The following PLCZ1 variants were observed in gnomAD, a reference collection of about 807,000 sequenced individuals.
PLCZ1 encodes 1-phosphatidylinositol 4,5-bisphosphate phosphodiesterase zeta-1.
In PLCZ1, 64 loss-of-function variants were observed where a neutral mutation model predicts 76.8. The ratio of observed to expected loss-of-function variants is 0.83; its 90% CI spans 0.68 to 1.03. PLCZ1 has a LOEUF of 1.03. Among genes scored for constraint, PLCZ1 ranks in the 50% least tolerant of loss-of-function variants. PLCZ1 has a pLI of 0.00. For missense variants in PLCZ1, 751 were observed against 713.7 expected, an observed-to-expected ratio of 1.05 and a Z score of -0.60; for synonymous variants, 248 against 230.8, an observed-to-expected ratio of 1.07 and a Z score of -0.68.
chr12:18,731,533 C>CTTTT (rs34568267), intron 3 of PLCZ1, among the ~76,000 whole-genome samples: 96 of 94,310 alleles, frequency 1.0e-3, no homozygotes, highest in Middle Eastern at 9.6e-3. Context: ...AATAAGCTGT[C>CTTTT]TTTTTTTTTT....
intron 12 of PLCZ1, chr12:18,693,520 G>T: frequency 4.3e-6 from 7 of 1,611,722 alleles, no homozygotes; most frequent in Non-Finnish European, 5.9e-6. Flanking sequence ...CCACTTTCTT[G>T]AGAGTGGTTG....
At chr12:18,658,319 T>C in the PLCZ1 span, among the ~76,000 whole-genome samples, 1 of 152,200 alleles carries the variant, frequency 6.6e-6, no homozygotes, top group Non-Finnish European at 1.5e-5. Context: ...ATTCACTTGA[T>C]GAATTACATC....
At chr12:18,717,530 A>G (rs1327847385) in intron 5 of PLCZ1, among the ~76,000 whole-genome samples, 2 of 152,126 alleles carry the variant, frequency 1.3e-5, no homozygotes, top group African/African-American at 4.8e-5. Context: ...TTCCAGTCTG[A>G]TAACTTCTGA....
chr12:18,680,126 GAAGA>G (rs1374710096), downstream of PLCZ1, among the ~76,000 whole-genome samples: 2 of 152,106 alleles, frequency 1.3e-5, no homozygotes, highest in East Asian at 1.9e-4. Context: ...GCAGTACTGA[GAAGA>G]AAGGGATATT....
chr12:18,730,304 C>G (rs1046563615), intron 3 of PLCZ1, among the ~76,000 whole-genome samples: 2 of 152,122 alleles, frequency 1.3e-5, no homozygotes, highest in Non-Finnish European at 2.9e-5. Context: ...TAATCTTCAG[C>G]TATCCATAAA....
the PLCZ1 span, among the ~76,000 whole-genome samples, chr12:18,648,617 C>T: frequency 2.0e-5 from 3 of 152,064 alleles, no homozygotes; most frequent in Non-Finnish European, 4.4e-5. Flanking sequence ...CCCTCTTCAC[C>T]ACCAATCAAT....
chr12:18,712,579 A>G (rs1957468264), intron 6 of PLCZ1, among the ~76,000 whole-genome samples: 1 of 152,172 alleles, frequency 6.6e-6, no homozygotes, highest in Non-Finnish European at 1.5e-5. Flanking sequence ...AATAATAAAT[A>G]TATTTTACCT....
chr12:18,734,505 C>T (rs1267106908), intron 3 of PLCZ1, among the ~76,000 whole-genome samples: 2 of 152,120 alleles, frequency 1.3e-5, no homozygotes, highest in African/African-American at 4.8e-5. Flanking sequence ...CGTGCACTAC[C>T]ACGTCTGGCT....
At chr12:18,730,319 A>G (rs1344750932) in intron 3 of PLCZ1, among the ~76,000 whole-genome samples, 2 of 152,288 alleles carry the variant, frequency 1.3e-5, no homozygotes, top group Non-Finnish European at 2.9e-5. Flanking sequence ...CATAAAATAC[A>G]GTTAACCAAT....
chr12:18,705,351 A>C (rs1956466735), intron 6 of PLCZ1, 36 bp from the exon 7 acceptor site: 6 of 1,611,354 alleles, frequency 3.7e-6, no homozygotes, highest in Non-Finnish European at 5.1e-6. Flanking sequence ...TATTCATCAA[A>C]ACTTCTAAAT....
downstream of PLCZ1, among the ~76,000 whole-genome samples, chr12:18,680,095 T>A (rs75652044): frequency 0.041 from 6,211 of 152,070 alleles, 195 homozygotes; most frequent in African/African-American, 0.088. Context: ...TGGAAAGTAA[T>A]GTAATTAAAC....
downstream of PLCZ1, among the ~76,000 whole-genome samples, chr12:18,681,598 A>G (rs928732470): frequency 6.6e-6 from 1 of 152,058 alleles, no homozygotes; most frequent in Non-Finnish European, 1.5e-5. Flanking sequence ...AATGATAAAT[A>G]ATGCAAATTT....
intron 12 of PLCZ1, chr12:18,693,285 C>T: frequency 3.3e-6 from 5 of 1,523,792 alleles, no homozygotes. Flanking sequence ...CATGGATCCC[C>T]TGGTCACAGT....
chr12:18,658,272 G>A, the PLCZ1 span, among the ~76,000 whole-genome samples: 4 of 152,070 alleles, frequency 2.6e-5, no homozygotes, highest in Non-Finnish European at 5.9e-5. Context: ...TAAAAGGACA[G>A]AAAGAATATT....
chr12:18,647,568 G>A, the PLCZ1 span, among the ~76,000 whole-genome samples: 1 of 151,890 alleles, frequency 6.6e-6, no homozygotes, highest in Non-Finnish European at 1.5e-5. Context: ...GGTATAAAAG[G>A]TGAAGTATAT....
chr12:18,733,627 T>G (rs1467226718), intron 3 of PLCZ1, among the ~76,000 whole-genome samples: 1 of 152,218 alleles, frequency 6.6e-6, no homozygotes, highest in Non-Finnish European at 1.5e-5. Context: ...TAATGGATTT[T>G]GAGTTGATTT....
rs761927462 is a variant in PLCZ1, at chr12:18,696,267, C to A, written c.1175-1G>T. On this transcript the variant is annotated splice_acceptor_variant, in intron 10 of 14. Coordinates refer to ENST00000266505, the MANE Select transcript of PLCZ1 (RefSeq NM_033123.4). LOFTEE classifies it high-confidence loss of function. Reference sequence around the variant, plus strand: ...CTGGTGTGAAAAATAAACTCATGGACTGAAAAAGAATAATTAAAACATTGT... The same window carrying A: ...CTGGTGTGAAAAATAAACTCATGGAATGAAAAAGAATAATTAAAACATTGT... The A allele has an allele frequency of 1.4e-6, 2 of 1,442,806 alleles. No homozygotes were observed. The highest frequency in any genetic ancestry group is 1.9e-6 in the Non-Finnish European group (2 of 1,045,372). The allele number at this position is 1,442,806 out of a possible 1,614,324, so 89.4% of individuals were successfully genotyped here. A position where few individuals can be genotyped will look rare whatever the true frequency, so the allele number is the denominator to read the frequency against.
At chr12:18,645,932 A>G in the PLCZ1 span, among the ~76,000 whole-genome samples, 1 of 152,144 alleles carries the variant, frequency 6.6e-6, no homozygotes, top group Non-Finnish European at 1.5e-5. Context: ...TTTTCTCTGT[A>G]AAATAAGAGA....
chr12:18,694,684 C>G (rs1038649586), intron 12 of PLCZ1, among the ~76,000 whole-genome samples: 2 of 152,006 alleles, frequency 1.3e-5, no homozygotes, highest in African/African-American at 4.8e-5. Flanking sequence ...AGGTTTTAGC[C>G]TCAATATGTC....
Sources: allele counts gnomAD v4.1 joint callset (sites outside exome capture counted in the v4.1 genomes callset), GRCh38; gene constraint gnomAD v4.1.1; transcripts MANE v1.5; gene names NCBI Gene and HGNC (gene_info 2026-07-23, HGNC 2026-07-21).